The following C12orf56 variants were observed in gnomAD, a reference collection of about 807,000 sequenced individuals.
C12orf56 encodes the protein chromosome 12 open reading frame 56.
C12orf56 carries 71 observed loss-of-function variants against 69.9 expected under a neutral mutation model. That is an observed-to-expected ratio of 1.02 (90% CI 0.84 to 1.24). The LOEUF (loss-of-function observed/expected upper bound fraction) is 1.24, where lower values mean the gene tolerates loss of function less well. Among genes scored for constraint, C12orf56 ranks in the 50% most tolerant of loss-of-function variants. The pLI is 0.00. For missense variants in C12orf56, 732 were observed against 738.5 expected (o/e 0.99, Z 0.10); for synonymous variants, 276 against 274.1 (o/e 1.01, Z -0.07).
intron 1 of C12orf56, among the ~76,000 whole-genome samples, chr12:64,374,619 C>A (rs1322427638): frequency 6.6e-6 from 1 of 151,866 alleles, no homozygotes; most frequent in East Asian, 1.9e-4. Context: ...TCTCGGCTCA[C>A]TGCAAACTCC....
chr12:64,352,852 T>A (rs1565770524), intron 2 of C12orf56, 42 bp downstream of exon 2: 1 of 1,513,720 alleles, frequency 6.6e-7, no homozygotes, highest in African/African-American at 1.4e-5. Flanking sequence ...ATATATACTT[T>A]TTTTTTTGCC....
At chr12:64,314,759 C>G (rs1365639882) in intron 4 of C12orf56, among the ~76,000 whole-genome samples, 1 of 149,316 alleles carries the variant, frequency 6.7e-6, no homozygotes, top group East Asian at 2.0e-4. Context: ...CTCAGTCTCC[C>G]GAGTAGCTGG....
intron 4 of C12orf56, among the ~76,000 whole-genome samples, chr12:64,315,802 A>G (rs2038684419): frequency 6.6e-6 from 1 of 152,022 alleles, no homozygotes; most frequent in African/African-American, 2.4e-5. Flanking sequence ...ATGGTGGCGC[A>G]TGCTTGTAAT....
At chr12:64,287,014 A>T (rs935812097) in intron 6 of C12orf56, among the ~76,000 whole-genome samples, 1 of 152,152 alleles carries the variant, frequency 6.6e-6, no homozygotes, top group Non-Finnish European at 1.5e-5. Context: ...AGGTGGGCAG[A>T]TCACTTGAGG....
chr12:64,359,127 C>T (rs963929334), intron 1 of C12orf56, among the ~76,000 whole-genome samples: 2 of 152,064 alleles, frequency 1.3e-5, no homozygotes, highest in Non-Finnish European at 2.9e-5. Context: ...GTCATAAAAC[C>T]CTCATGCGAA....
intron 1 of C12orf56, among the ~76,000 whole-genome samples, chr12:64,386,953 C>T (rs1410809374): frequency 1.3e-5 from 2 of 151,406 alleles, no homozygotes; most frequent in Admixed American, 1.3e-4. Flanking sequence ...GTGGTGCGTG[C>T]CTGTAGTCCC....
chr12:64,331,545 G>A (rs2038930424), intron 2 of C12orf56, among the ~76,000 whole-genome samples: 1 of 151,990 alleles, frequency 6.6e-6, no homozygotes, highest in South Asian at 2.1e-4. Context: ...GGGCCTTTTT[G>A]GAAGTGATTA....
chr12:64,351,922 A>G (rs1408481938), intron 2 of C12orf56, among the ~76,000 whole-genome samples: 4 of 151,556 alleles, frequency 2.6e-5, no homozygotes, highest in Non-Finnish European at 1.5e-5. Context: ...CTCGCTTCAC[A>G]GATAGGAAAT....
intron 2 of C12orf56, chr12:64,338,251 C>T: frequency 3.7e-6 from 2 of 543,030 alleles, no homozygotes; most frequent in Non-Finnish European, 7.2e-6. Flanking sequence ...CTATGAGATC[C>T]AGCTGGCTTT....
intron 10 of C12orf56, 161 bp from the exon 11 acceptor site, chr12:64,275,136 T>C (rs1158128621): frequency 1.0e-5 from 8 of 779,072 alleles, no homozygotes; most frequent in Non-Finnish European, 1.6e-5. Context: ...GTTCATATCA[T>C]TGAAATCAAC....
intron 2 of C12orf56, among the ~76,000 whole-genome samples, chr12:64,340,657 T>C (rs1262238924): frequency 6.6e-6 from 1 of 152,228 alleles, no homozygotes; most frequent in Non-Finnish European, 1.5e-5. Flanking sequence ...GAAGATATTT[T>C]CTTAGTACAA....
intron 3 of C12orf56, among the ~76,000 whole-genome samples, chr12:64,321,620 C>T (rs1417486913): frequency 1.3e-5 from 2 of 152,166 alleles, no homozygotes; most frequent in African/African-American, 4.8e-5. Context: ...AGGTGTGAGC[C>T]ACTGCACCCT....
chr12:64,362,174 G>A (rs2039408362), intron 1 of C12orf56, among the ~76,000 whole-genome samples: 2 of 152,068 alleles, frequency 1.3e-5, no homozygotes, highest in South Asian at 4.1e-4. Flanking sequence ...TTTCTCCTTA[G>A]AAACTGGGGC....
intron 5 of C12orf56, among the ~76,000 whole-genome samples, chr12:64,311,296 A>G (rs952436368): frequency 6.6e-6 from 1 of 151,660 alleles, no homozygotes; most frequent in Non-Finnish European, 1.5e-5. Context: ...TTAGCCGGGC[A>G]TGGCTACTCG....
chr12:64,337,521 C>A (rs1284918182), intron 2 of C12orf56, among the ~76,000 whole-genome samples: 2 of 140,254 alleles, frequency 1.4e-5, no homozygotes, highest in Admixed American at 1.4e-4. Context: ...TGAGAGACAG[C>A]AGATGTAGGA....
chr12:64,370,575 C>T (rs552012318), intron 1 of C12orf56, among the ~76,000 whole-genome samples: 3 of 151,994 alleles, frequency 2.0e-5, no homozygotes, highest in South Asian at 4.2e-4. Flanking sequence ...CGCTTGAGCC[C>T]AGGAGGCAGA....
rs1284133165 is a variant in C12orf56 at position 64,352,934 on chromosome 12, G to A, written c.375C>T (p.Phe125=). 1.9e-6 allele frequency: 3 copies of A among 1,612,518 alleles called. No individual in the cohort carries two copies. Among genetic ancestry groups the A allele is most frequent in the Non-Finnish European group, 2.5e-6 (3 of 1,179,524 alleles). Residue 125 remains phenylalanine (F), a synonymous_variant, in exon 2 of 13, where the codon TTC becomes TTT. Coordinates refer to ENST00000543942, the MANE Select transcript of C12orf56 (RefSeq NM_001170633.2). ...ECKKSNSVRK[F]LFPFHHTKAN... Reference sequence around the variant, plus strand: ...CTTTAGTATGATGAAATGGAAATAGGAATTTCCTGACACTGTTTGACTTTT... The same window carrying A: ...CTTTAGTATGATGAAATGGAAATAGAAATTTCCTGACACTGTTTGACTTTT...
intron 6 of C12orf56, among the ~76,000 whole-genome samples, chr12:64,295,902 C>T (rs2038358928): frequency 6.6e-6 from 1 of 151,710 alleles, no homozygotes. Context: ...GTATAATTTT[C>T]CATCCTATTA....
chr12:64,274,814 G>A, intron 11 of C12orf56, 87 bp downstream of exon 11: 2 of 1,037,934 alleles, frequency 1.9e-6, no homozygotes, highest in South Asian at 1.9e-5. Context: ...TACATCACAG[G>A]GAAAATCTGT....
Sources: gnomAD v4.1 joint callset for allele counts (sites outside exome capture counted in the v4.1 genomes callset) on GRCh38, gnomAD v4.1.1 for gene constraint, MANE v1.5 for transcripts, NCBI Gene and HGNC (gene_info 2026-07-23, HGNC 2026-07-21) for gene names.